CC2D2B: variants seen among roughly 807,000 people sequenced by gnomAD.
The protein encoded by CC2D2B is coiled-coil and C2 domain containing 2B.
CC2D2B carries 128 observed loss-of-function variants against 161.2 expected under a neutral mutation model. The ratio of observed to expected loss-of-function variants is 0.79; its 90% CI spans 0.69 to 0.92. CC2D2B has a LOEUF of 0.92. CC2D2B is among the 40% of genes least tolerant of loss of function. The pLI is 0.00. For synonymous variants in CC2D2B, 391 were observed against 449.8 expected (o/e 0.87, Z 1.65); for missense variants, 1,173 against 1,375.1 (o/e 0.85, Z 2.32).
At chr10:95,969,999 G>A (rs2141482446) in intron 15 of CC2D2B, among the ~76,000 whole-genome samples, 1 of 151,494 alleles carries the variant, frequency 6.6e-6, no homozygotes, top group South Asian at 2.1e-4. Flanking sequence ...AAATCGATAT[G>A]CCCTAGCCTA....
chr10:95,996,011 T>G (rs1404889730), intron 23 of CC2D2B, 132 bp from the exon 24 acceptor site: 1 of 414,240 alleles, frequency 2.4e-6, no homozygotes, highest in Non-Finnish European at 4.3e-6. Flanking sequence ...ATTCAATAAA[T>G]AAATAAATAA....
At chr10:95,982,480 A>T (rs759048245) in intron 18 of CC2D2B, among the ~76,000 whole-genome samples, 1 of 152,166 alleles carries the variant, frequency 6.6e-6, no homozygotes, top group Non-Finnish European at 1.5e-5. Context: ...CTCAGACTCC[A>T]TTATATGGTC....
At chr10:96,016,845 C>G (rs771162940) in intron 30 of CC2D2B, among the ~76,000 whole-genome samples, 3 of 152,102 alleles carry the variant, frequency 2.0e-5, no homozygotes, top group Non-Finnish European at 4.4e-5. Flanking sequence ...CTCAACCTCC[C>G]GAGTAGCTGG....
chr10:95,950,148 AAAAG>A (rs2076350003), intron 10 of CC2D2B, 43 bp downstream of exon 10: 1 of 398,406 alleles, frequency 2.5e-6, no homozygotes, highest in Non-Finnish European at 4.4e-6. Context: ...TTAATATTGA[AAAAG>A]AAAAAATTCC....
At chr10:95,912,622 G>A (rs1488270061) in intron 2 of CC2D2B, among the ~76,000 whole-genome samples, 2 of 152,088 alleles carry the variant, frequency 1.3e-5, no homozygotes, top group African/African-American at 2.4e-5. Flanking sequence ...GTTGCCACAC[G>A]CTGCAGGGTA....
intron 2 of CC2D2B, among the ~76,000 whole-genome samples, chr10:95,917,111 C>T (rs2141130738): frequency 6.6e-6 from 1 of 152,276 alleles, no homozygotes; most frequent in East Asian, 1.9e-4. Flanking sequence ...ATGACATCCT[C>T]TTGATGAATT....
chr10:95,965,929 A>C lies in CC2D2B; in HGVS notation c.1284A>C (p.Gln428His), dbSNP rs1392466528. ...IKMNKCDEQE[Q>H]ISEMSETEKK... ...TGAATAAATGTGATGAACAAGAGCAAATCTCAGAAATGTCTGAAACTGAGA... is the reference window on the plus strand; with the variant it reads ...TGAATAAATGTGATGAACAAGAGCACATCTCAGAAATGTCTGAAACTGAGA... The change falls in exon 13 of 35, where the codon CAA (glutamine) becomes CAC (histidine). Residue 428 changes from glutamine (Q) to histidine (H), a missense_variant. Physicochemically the swap from Gln to His is conservative, Grantham distance 24. Around this residue, in one of 3 missense-constraint regions of CC2D2B, gnomAD observed 277 missense variants for 420.6 expected, o/e 0.66. Transcript: ENST00000646931. 1 of 1,213,614 alleles carries C rather than the reference A, an allele frequency of 8.2e-7. No individual in the cohort carries two copies. The highest frequency in any genetic ancestry group is 1.0e-6 in the Non-Finnish European group (1 of 971,538). The allele number at this position is 1,213,614 out of a possible 1,614,324, so 75.2% of individuals were successfully genotyped here. A position where few individuals can be genotyped will look rare whatever the true frequency, so the allele number is the denominator to read the frequency against.
chr10:95,917,078 T>C (rs1413676734), intron 2 of CC2D2B, among the ~76,000 whole-genome samples: 1 of 152,234 alleles, frequency 6.6e-6, no homozygotes, highest in African/African-American at 2.4e-5. Flanking sequence ...GCTTCAGTGT[T>C]GGGAGCATAT....
At chr10:95,959,563 G>T (rs1423676321) in intron 11 of CC2D2B, among the ~76,000 whole-genome samples, 1 of 152,058 alleles carries the variant, frequency 6.6e-6, no homozygotes, top group African/African-American at 2.4e-5. Context: ...TCAAAATATT[G>T]CAACTGAATT....
intron 19 of CC2D2B, among the ~76,000 whole-genome samples, chr10:95,986,371 T>A (rs536100710): frequency 8.4e-4 from 128 of 151,864 alleles, no homozygotes; most frequent in Non-Finnish European, 1.7e-3. Context: ...GTTCCCCTGA[T>A]AACAAATCAG....
At chr10:95,928,864 A>G (rs2098544432) in intron 6 of CC2D2B, among the ~76,000 whole-genome samples, 1 of 152,154 alleles carries the variant, frequency 6.6e-6, no homozygotes, top group Admixed American at 6.6e-5. Flanking sequence ...TGTAGTAAAC[A>G]TACGTGTGCA....
intron 19 of CC2D2B, among the ~76,000 whole-genome samples, chr10:95,985,808 A>C (rs986433125): frequency 6.6e-6 from 1 of 152,208 alleles, no homozygotes; most frequent in Non-Finnish European, 1.5e-5. Context: ...GCCCTGAGAA[A>C]GAGAATGTGT....
rs1161098190 is a variant in CC2D2B at position 95,938,703 on chromosome 10, G to T, written c.670G>T (p.Glu224Ter). 7 of 710,878 alleles carry T rather than the reference G, an allele frequency of 9.8e-6. No homozygotes were observed. Among genetic ancestry groups the T allele is most frequent in the African/African-American group, 7.1e-5 (4 of 56,706 alleles). 44.0% of individuals were successfully genotyped at this position (710,878 alleles called of 1,614,324 possible). A position where few individuals can be genotyped will look rare whatever the true frequency, so the allele number is the denominator to read the frequency against. The change falls in exon 8 of 35, where the codon GAG (glutamate) becomes TAG (stop). Residue 224 changes from glutamate (E) to a stop codon, truncating the protein, a stop_gained and splice_region_variant. Coordinates refer to ENST00000646931, the MANE Select transcript of CC2D2B (RefSeq NM_001349008.3). LOFTEE classifies it high-confidence loss of function. The part of the protein sequence containing the change: ...KMENRLLKLE[E>*]GKCWFGESGE... ...GGAAAATCGCCTGCTTAAACTAGAA[G>T]AGGCAAGTGCACCACCTAACAAGTT...
At chr10:96,023,791 G>A (rs1276944381) in intron 32 of CC2D2B, among the ~76,000 whole-genome samples, 1 of 152,234 alleles carries the variant, frequency 6.6e-6, no homozygotes, top group Non-Finnish European at 1.5e-5. Flanking sequence ...CGGAAGGGGA[G>A]CTTGTTGAAA....
intron 17 of CC2D2B, among the ~76,000 whole-genome samples, chr10:95,978,604 T>C (rs1051486628): frequency 6.6e-6 from 1 of 152,206 alleles, no homozygotes; most frequent in Non-Finnish European, 1.5e-5. Context: ...ACTCCTGGGC[T>C]CAAGTGATCC....
At chr10:96,010,297 G>A (rs1023530002) in intron 26 of CC2D2B, among the ~76,000 whole-genome samples, 1 of 152,098 alleles carries the variant, frequency 6.6e-6, no homozygotes, top group African/African-American at 2.4e-5. Context: ...CCTATGATTT[G>A]CACTAGTCTC....
chr10:95,927,165 A>T, intron 5 of CC2D2B, 72 bp from the exon 6 acceptor site: 2 of 806,128 alleles, frequency 2.5e-6, no homozygotes, highest in African/African-American at 1.7e-5. Flanking sequence ...TTACCATATT[A>T]CAGAAAACTA....
At chr10:96,011,266 G>A (rs78052475) in intron 26 of CC2D2B, among the ~76,000 whole-genome samples, 9,203 of 152,280 alleles carry the variant, frequency 0.06, 423 homozygotes, top group Non-Finnish European at 0.096. Context: ...GGATTCCTAT[G>A]TTTTTAAGTC....
chr10:95,925,093 AATAT>A (rs553556985), intron 5 of CC2D2B, among the ~76,000 whole-genome samples: 66 of 152,324 alleles, frequency 4.3e-4, no homozygotes, highest in African/African-American at 1.6e-3. Context: ...ATTATAATAA[AATAT>A]TGTTAAAAGA....
Sources: gnomAD v4.1 joint callset for allele counts (sites outside exome capture counted in the v4.1 genomes callset) on GRCh38, gnomAD v4.1.1 for gene constraint, gnomAD v4.1.1 regional missense constraint, MANE v1.5 for transcripts, NCBI Gene and HGNC (gene_info 2026-07-23, HGNC 2026-07-21) for gene names.